The following CSRNP3 variants were observed in gnomAD, a reference collection of about 807,000 sequenced individuals.
CSRNP3 encodes cysteine and serine rich nuclear protein 3.
In CSRNP3, 12 loss-of-function variants were observed where a neutral mutation model predicts 48.0. That is an observed-to-expected ratio of 0.25 (90% CI 0.16 to 0.41). The LOEUF (loss-of-function observed/expected upper bound fraction) is 0.41, where lower values mean the gene tolerates loss of function less well. CSRNP3 is among the 10% of genes least tolerant of loss of function. The pLI, the probability that CSRNP3 is intolerant of heterozygous loss-of-function variation, is 1.00. For missense variants in CSRNP3, 580 were observed against 724.4 expected (o/e 0.80, Z 2.29); for synonymous variants, 263 against 269.7 (o/e 0.98, Z 0.24).
At chr2:165,573,507 C>T (rs1207408779) in intron 3 of CSRNP3, among the ~76,000 whole-genome samples, 1 of 152,162 alleles carries the variant, frequency 6.6e-6, no homozygotes, top group Non-Finnish European at 1.5e-5. Context: ...AATAATAGCA[C>T]AACACTGAAT....
chr2:165,678,638 G>T, intron 6 of CSRNP3, 63 bp from the exon 7 acceptor site: 1 of 1,543,340 alleles, frequency 6.5e-7, no homozygotes, highest in African/African-American at 1.4e-5. Flanking sequence ...TTACTGAAAA[G>T]TTCTGGGCGT....
chr2:165,614,925 C>G (rs776135300), intron 4 of CSRNP3, among the ~76,000 whole-genome samples: 1 of 152,128 alleles, frequency 6.6e-6, no homozygotes, highest in Non-Finnish European at 1.5e-5. Flanking sequence ...TGAGAAGATA[C>G]TTTACATGAC....
intron 2 of CSRNP3, among the ~76,000 whole-genome samples, chr2:165,505,150 A>G (rs189047467): frequency 2.0e-5 from 3 of 152,260 alleles, no homozygotes; most frequent in East Asian, 3.9e-4. Flanking sequence ...TTTCTTGACA[A>G]GTAAGATCTG....
At chr2:165,558,136 T>C (rs190429543) in intron 3 of CSRNP3, among the ~76,000 whole-genome samples, 12 of 151,852 alleles carry the variant, frequency 7.9e-5, no homozygotes, top group African/African-American at 2.9e-4. Context: ...AGTTGAAAAA[T>C]TAAGGGGGGG....
At chr2:165,488,631 G>C (rs1325871155) in intron 1 of CSRNP3, among the ~76,000 whole-genome samples, 2 of 137,012 alleles carry the variant, frequency 1.5e-5, no homozygotes, top group Admixed American at 7.5e-5. Context: ...TAGAACTCAG[G>C]ATTAAGAATC....
chr2:165,527,965 AAAG>A (rs913284662), intron 3 of CSRNP3, among the ~76,000 whole-genome samples: 3 of 152,142 alleles, frequency 2.0e-5, no homozygotes, highest in African/African-American at 7.2e-5. Flanking sequence ...GAAAGAGAAA[AAAG>A]AGAGAGAGAG....
At chr2:165,518,527 A>T (rs1684609689) in intron 3 of CSRNP3, among the ~76,000 whole-genome samples, 2 of 152,016 alleles carry the variant, frequency 1.3e-5, no homozygotes. Flanking sequence ...GGATGATATA[A>T]CTGGAAAAGA....
intron 1 of CSRNP3, among the ~76,000 whole-genome samples, chr2:165,473,914 C>T (rs1574790551): frequency 6.6e-6 from 1 of 151,804 alleles, no homozygotes; most frequent in African/African-American, 2.4e-5. Context: ...AGTGCTATTT[C>T]TATGAACTAC....
chr2:165,607,700 G>A (rs995393891), intron 4 of CSRNP3, among the ~76,000 whole-genome samples: 1 of 152,072 alleles, frequency 6.6e-6, no homozygotes, highest in African/African-American at 2.4e-5. Context: ...AAATATGTAG[G>A]TTTGCTCTGA....
chr2:165,674,815 A>T (rs1290650025), intron 5 of CSRNP3, among the ~76,000 whole-genome samples: 1 of 150,764 alleles, frequency 6.6e-6, no homozygotes, highest in Admixed American at 6.6e-5. Flanking sequence ...GGCTCAAGTG[A>T]TCCTTGCACC....
At chr2:165,563,909 A>G (rs981248822) in intron 3 of CSRNP3, among the ~76,000 whole-genome samples, 6 of 152,046 alleles carry the variant, frequency 3.9e-5, no homozygotes, top group African/African-American at 1.4e-4. Flanking sequence ...GTAATTTTTC[A>G]TGAAAATAAA....
At chr2:165,576,947 C>G (rs1685460693) in intron 3 of CSRNP3, among the ~76,000 whole-genome samples, 1 of 151,928 alleles carries the variant, frequency 6.6e-6, no homozygotes, top group Admixed American at 6.6e-5. Context: ...ACCAGTCTGT[C>G]TTTGTCATCA....
At chr2:165,525,733 G>A (rs921463998) in intron 3 of CSRNP3, among the ~76,000 whole-genome samples, 6 of 151,998 alleles carry the variant, frequency 3.9e-5, no homozygotes, top group Non-Finnish European at 8.8e-5. Flanking sequence ...TGGCCCACCT[G>A]CCTCAGCCTC....
chr2:165,525,587 G>A (rs775928164), intron 3 of CSRNP3, among the ~76,000 whole-genome samples: 5 of 150,828 alleles, frequency 3.3e-5, no homozygotes, highest in African/African-American at 4.9e-5. Context: ...CCTGGGTTAA[G>A]TGATTCTCCT....
At chr2:165,570,810 G>T (rs897056404) in intron 3 of CSRNP3, among the ~76,000 whole-genome samples, 1 of 151,798 alleles carries the variant, frequency 6.6e-6, no homozygotes, top group South Asian at 2.1e-4. Flanking sequence ...GCATTAAAAT[G>T]GTGGTATCTA....
chr2:165,520,059 C>T (rs534033241), intron 3 of CSRNP3, among the ~76,000 whole-genome samples: 1 of 151,690 alleles, frequency 6.6e-6, no homozygotes, highest in Non-Finnish European at 1.5e-5. Context: ...TTCAATTTCA[C>T]CAGAAAGAAA....
intron 1 of CSRNP3, among the ~76,000 whole-genome samples, chr2:165,490,054 G>C (rs930305235): frequency 5.9e-5 from 9 of 151,750 alleles, no homozygotes; most frequent in African/African-American, 2.2e-4. Flanking sequence ...AATCCCCATC[G>C]TCTCAGCCCA....
chr2:165,548,994 G>A (rs1479668778), intron 3 of CSRNP3, among the ~76,000 whole-genome samples: 1 of 133,500 alleles, frequency 7.5e-6, no homozygotes, highest in African/African-American at 2.8e-5. Flanking sequence ...TTTTTTAATT[G>A]TTTTTCTGAG....
At chr2:165,482,750 T>C (rs779351187) in intron 1 of CSRNP3, among the ~76,000 whole-genome samples, 2 of 152,228 alleles carry the variant, frequency 1.3e-5, no homozygotes, top group Non-Finnish European at 2.9e-5. Flanking sequence ...TATGAGTAAA[T>C]TGATAAAAAT....
Sources: allele counts gnomAD v4.1 joint callset (sites outside exome capture counted in the v4.1 genomes callset), GRCh38; gene constraint gnomAD v4.1.1; transcripts MANE v1.5; gene names NCBI Gene and HGNC (gene_info 2026-07-23, HGNC 2026-07-21).